Variants in ZNF354A observed in about 807,000 individuals in gnomAD.
The protein encoded by ZNF354A is epididymis luminal protein 104.
Under a neutral mutation model 53.3 loss-of-function variants are expected in ZNF354A, and 25 were observed. That is an observed-to-expected ratio of 0.47 (90% CI 0.34 to 0.66). The LOEUF (loss-of-function observed/expected upper bound fraction) is 0.66. Ranked by LOEUF, ZNF354A falls within the 30% of genes least tolerant of loss-of-function variation. ZNF354A has a pLI of 0.01. For missense variants in ZNF354A, 586 were observed against 716.8 expected (o/e 0.82, Z 2.08); for synonymous variants, 228 against 249.0 (o/e 0.92, Z 0.79).
In ZNF354A at chr5:178,712,583, T is replaced by A; in HGVS notation, c.1295A>T (p.His432Leu). Residue 432 changes from histidine (H) to leucine (L), a missense_variant, in exon 5 of 5, where the codon CAT becomes CTT. By Grantham distance (99) the His-to-Leu change is moderately conservative. This residue lies in a region of ZNF354A where 573 missense variants were observed against 680.1 expected (regional missense o/e 0.84). Coordinates refer to ENST00000335815, the MANE Select transcript of ZNF354A (RefSeq NM_005649.3). Reference sequence around the variant, plus strand: ...ACAATTATAAAACTTCTCTCCAGTATGAATGATTCGGTGTCTATTAAGTCG... The same window carrying A: ...ACAATTATAAAACTTCTCTCCAGTAAGAATGATTCGGTGTCTATTAAGTCG... ...ISRLNRHRII[H>L]TGEKFYNCNE... 6.2e-7 allele frequency: 1 copy of A among 1,614,250 alleles called. No individual in the cohort carries two copies. The highest frequency in any genetic ancestry group is 8.5e-7 in the Non-Finnish European group (1 of 1,180,042).
intron 4 of ZNF354A, among the ~76,000 whole-genome samples, chr5:178,717,723 C>T (rs1765740228): frequency 6.6e-6 from 1 of 151,988 alleles, no homozygotes; most frequent in East Asian, 1.9e-4. Context: ...AGCTGAAGAA[C>T]TGAAAGGAAT....
rs570264149 is a variant in ZNF354A, at chr5:178,715,584, A to G, written c.257-1963T>C. ...TACATTATTTAGGCCAAATATATGGAGGGGGCAGTGGCAAAAATGAAGTGC... is the reference window on the plus strand; with the variant it reads ...TACATTATTTAGGCCAAATATATGGGGGGGGCAGTGGCAAAAATGAAGTGC... On this transcript the variant is annotated intron_variant, in intron 4 of 4. Coordinates refer to ENST00000335815, the MANE Select transcript of ZNF354A (RefSeq NM_005649.3). Among the ~76,000 whole-genome samples, 600 of 152,276 alleles carry G rather than the reference A, an allele frequency of 3.9e-3. 8 individuals carry two copies. The highest frequency in any genetic ancestry group is 0.014 in the African/African-American group (584 of 41,550).
At chr5:178,719,751 T>A (rs2113874754) in intron 4 of ZNF354A, among the ~76,000 whole-genome samples, 1 of 151,948 alleles carries the variant, frequency 6.6e-6, no homozygotes, top group South Asian at 2.1e-4. Context: ...ATCGAGACCA[T>A]CCCGGCTAAA....
intron 4 of ZNF354A, among the ~76,000 whole-genome samples, chr5:178,715,965 C>T (rs1161810305): frequency 2.0e-5 from 3 of 151,466 alleles, no homozygotes; most frequent in African/African-American, 4.9e-5. Flanking sequence ...GGCGCGACCT[C>T]GGCTCACTGC....
rs150080303 is a variant in ZNF354A at position 178,712,074 on chromosome 5, C to A, written c.1804G>T (p.Glu602Ter). ...AAATCTACTTTCTAGGGGTCCTCTT[C>A]GATATGAATTTTATAATGATTAGTA... ...SLTNHYKIHI[E>*]EDP The change falls in exon 5 of 5, where the codon GAA becomes TAA. Residue 602 changes from glutamate (E) to a stop codon, truncating the protein, a stop_gained. Transcript: ENST00000335815. LOFTEE classifies it high-confidence loss of function. The A allele has an allele frequency of 1.7e-5, 27 of 1,592,914 alleles. No homozygotes were observed. The highest frequency in any genetic ancestry group is 2.1e-5 in the Non-Finnish European group (24 of 1,169,472).
At chr5:178,726,379 T>C (rs1031114199) in intron 3 of ZNF354A, among the ~76,000 whole-genome samples, 13 of 151,860 alleles carry the variant, frequency 8.6e-5, no homozygotes, top group African/African-American at 2.4e-4. Context: ...GGCGGGAACT[T>C]GGCTCACTGC....
At chr5:178,725,336 A>G in intron 4 of ZNF354A, 40 bp downstream of exon 4, 1 of 1,591,030 alleles carries the variant, frequency 6.3e-7, no homozygotes, top group East Asian at 2.2e-5. Flanking sequence ...TAACCAGACC[A>G]TTGTCTGCGG....
chr5:178,725,210 A>G (rs1765882010), intron 4 of ZNF354A, among the ~76,000 whole-genome samples, 166 bp downstream of exon 4: 1 of 152,240 alleles, frequency 6.6e-6, no homozygotes, highest in Admixed American at 6.5e-5. Flanking sequence ...AGATTCTGAG[A>G]GATTCATGGG....
At chr5:178,727,147 G>C (rs781383244) in intron 2 of ZNF354A, 22 bp from the exon 3 acceptor site, 2 of 1,605,722 alleles carry the variant, frequency 1.2e-6, no homozygotes, top group Non-Finnish European at 1.7e-6. Context: ...AGTCGTTCCA[G>C]CTCACCCAGG....
chr5:178,728,411 G>A (rs1489647410), intron 2 of ZNF354A, among the ~76,000 whole-genome samples: 1 of 151,928 alleles, frequency 6.6e-6, no homozygotes, highest in African/African-American at 2.4e-5. Flanking sequence ...TATATATTTT[G>A]CCACAATAAA....
chr5:178,712,857 G>C lies in ZNF354A; in HGVS notation c.1021C>G (p.Leu341Val). 1 of 1,614,110 alleles carries C rather than the reference G, an allele frequency of 6.2e-7. No homozygotes were observed. The highest frequency in any genetic ancestry group is 1.1e-5 in the South Asian group (1 of 91,064). The change falls in exon 5 of 5, where the codon CTT becomes GTT. Residue 341 changes from leucine to valine, a missense_variant. Around this residue, in one of 2 missense-constraint regions of ZNF354A, gnomAD observed 573 missense variants for 680.1 expected, o/e 0.84. Transcript: ENST00000335815. Reference sequence around the variant, plus strand: ...GAATGAATTCTTTGACATCCAGAAAGGGATGTGCTGCAACTAGATGCCTTC... The same window carrying C: ...GAATGAATTCTTTGACATCCAGAAACGGATGTGCTGCAACTAGATGCCTTC... The part of the protein sequence containing the change: ...GRKASSCSTS[L>V]SGCQRIHSRK...
chr5:178,723,937 T>G (rs565144545), intron 4 of ZNF354A, among the ~76,000 whole-genome samples: 1 of 152,152 alleles, frequency 6.6e-6, no homozygotes, highest in East Asian at 1.9e-4. Context: ...GGGCCTCCAC[T>G]TGGCCCCCTC....
chr5:178,713,009 C>A lies in ZNF354A; in HGVS notation c.869G>T (p.Arg290Ile). 2 of 1,614,042 alleles carry A rather than the reference C, an allele frequency of 1.2e-6. No homozygotes were observed. The highest frequency in any genetic ancestry group is 2.7e-5 in the African/African-American group (2 of 75,014). Reference protein sequence around the residue: ...TLSTSLYKHLRTHTVEKSYRC... With the variant: ...TLSTSLYKHLITHTVEKSYRC... ...GTAGGATTTCTCCACAGTATGGGTT[C>A]TTAGATGTTTATAAAGGGATGTACT... is the stretch of plus-strand genomic sequence containing the variant. Residue 290 changes from arginine to isoleucine, a missense_variant, in exon 5 of 5, where the codon AGA (arginine) becomes ATA (isoleucine). Physicochemically the swap from Arg to Ile is moderately conservative, Grantham distance 97. Around this residue, in one of 2 missense-constraint regions of ZNF354A, gnomAD observed 573 missense variants for 680.1 expected, o/e 0.84. Transcript: ENST00000335815.
At position 178,711,919 on chromosome 5, in the gene ZNF354A, G is replaced by T. The variant is rs1179072551; in HGVS notation, c.*141C>A. 7.9e-6 allele frequency: 8 copies of T among 1,017,562 alleles called. No homozygotes were observed. Among genetic ancestry groups the T allele is most frequent in the Non-Finnish European group, 9.7e-6 (7 of 723,640 alleles). 63.0% of individuals were successfully genotyped at this position (1,017,562 alleles called of 1,614,324 possible). On this transcript the variant is annotated 3_prime_UTR_variant, in exon 5 of 5. Transcript: ENST00000335815. ...TCCTCATATCTATTATATAGCTGAG[G>T]TTTATCCATGGAATTAAATACCTAA...
At chr5:178,723,781 C>T (rs1274292221) in intron 4 of ZNF354A, among the ~76,000 whole-genome samples, 4 of 151,988 alleles carry the variant, frequency 2.6e-5, no homozygotes, top group African/African-American at 7.2e-5. Flanking sequence ...ACCTTGATCC[C>T]CCAGAGCCAG....
chr5:178,716,138 G>A (rs7704813), intron 4 of ZNF354A, among the ~76,000 whole-genome samples: 60,257 of 151,706 alleles, frequency 0.4, 12,885 homozygotes, highest in Admixed American at 0.5. Context: ...CTCATGTTCC[G>A]CCCACCTCAG....
intron 4 of ZNF354A, among the ~76,000 whole-genome samples, chr5:178,724,472 G>A (rs544383815): frequency 2.0e-5 from 3 of 152,202 alleles, no homozygotes; most frequent in Admixed American, 6.5e-5. Flanking sequence ...TGATCCGCCC[G>A]CCTCGGCCTC....
rs961975337 is a variant in ZNF354A, at chr5:178,712,184, C to T, written c.1694G>A (p.Arg565His). Residue 565 changes from arginine (R) to histidine (H), a missense_variant, in exon 5 of 5, where the codon CGT becomes CAT. Arg to His is a conservative substitution (Grantham distance 29). Coordinates refer to ENST00000335815, the MANE Select transcript of ZNF354A (RefSeq NM_005649.3). Reference protein sequence around the residue: ...CGKTFRQSSSRIAHQRIHTGE... With the variant: ...CGKTFRQSSSHIAHQRIHTGE... ...AGTATGAATTCTCTGATGTGCAATA[C>T]GTGATGAGCTTTGTCTAAAAGTTTT... is the stretch of plus-strand genomic sequence containing the variant. 16 of 1,613,634 alleles carry T rather than the reference C, an allele frequency of 9.9e-6. No individual in the cohort carries two copies. The highest frequency in any genetic ancestry group is 2.2e-5 in the South Asian group (2 of 91,052).
chr5:178,724,151 C>A (rs1277915229), intron 4 of ZNF354A, among the ~76,000 whole-genome samples: 1 of 152,072 alleles, frequency 6.6e-6, no homozygotes, highest in Non-Finnish European at 1.5e-5. Context: ...CACGAACTCA[C>A]GGCAAGTGCC....
Sources: gnomAD v4.1 joint callset for allele counts (sites outside exome capture counted in the v4.1 genomes callset) on GRCh38, gnomAD v4.1.1 for gene constraint, gnomAD v4.1.1 regional missense constraint, MANE v1.5 for transcripts, NCBI Gene and HGNC (gene_info 2026-07-23, HGNC 2026-07-21) for gene names.